HEATR6: variants seen among roughly 807,000 people sequenced by gnomAD.
The protein encoded by HEATR6 is HEAT repeat containing 6, also known as HEAT repeat-containing protein 6.
A neutral mutation model predicts 132.8 loss-of-function variants in HEATR6; 106 were observed. That is an observed-to-expected ratio of 0.80 (90% CI 0.68 to 0.94). The LOEUF is 0.94. HEATR6 is among the 40% of genes least tolerant of loss of function. The probability of loss-of-function intolerance (pLI) is 0.00; values close to 1 mark genes in which losing one functional copy is unlikely to be tolerated. For missense variants in HEATR6, 1,339 were observed against 1,425.1 expected (o/e 0.94, Z 0.97); for synonymous variants, 529 against 537.8 (o/e 0.98, Z 0.23).
chr17:60,073,114 A>G (rs1272499846), intron 4 of HEATR6, 50 bp downstream of exon 4: 10 of 1,083,686 alleles, frequency 9.2e-6, no homozygotes, highest in East Asian at 2.4e-5. Flanking sequence ...AAAGGGCCCA[A>G]TAGAGGCACT....
intron 9 of HEATR6, among the ~76,000 whole-genome samples, chr17:60,061,674 T>C (rs1198580538): frequency 3.3e-5 from 5 of 152,252 alleles, no homozygotes; most frequent in African/African-American, 1.2e-4. Context: ...CCATATAATT[T>C]TCACATATCA....
At chr17:60,065,794 T>A (rs1475754479) in intron 9 of HEATR6, among the ~76,000 whole-genome samples, 1 of 152,216 alleles carries the variant, frequency 6.6e-6, no homozygotes, top group Non-Finnish European at 1.5e-5. Context: ...ATTTTGGGCA[T>A]TTTTCTAAGC....
chr17:60,055,726 C>G (rs1317374867), intron 13 of HEATR6, 125 bp from the exon 14 acceptor site: 1 of 583,336 alleles, frequency 1.7e-6, no homozygotes, highest in Non-Finnish European at 3.0e-6. Flanking sequence ...CACCTTCACT[C>G]GAGTGACACC....
At chr17:60,048,652 A>C (rs1399452781) in intron 16 of HEATR6, among the ~76,000 whole-genome samples, 1 of 152,164 alleles carries the variant, frequency 6.6e-6, no homozygotes, top group Non-Finnish European at 1.5e-5. Context: ...CATCGAATAT[A>C]TAAGCTGGCC....
chr17:60,052,856 G>A (rs1440823655), intron 14 of HEATR6, among the ~76,000 whole-genome samples: 1 of 152,108 alleles, frequency 6.6e-6, no homozygotes, highest in South Asian at 2.1e-4. Context: ...GGTGAGGGGC[G>A]GCGGGGACAC....
At chr17:60,064,982 T>A (rs2083232560) in intron 9 of HEATR6, among the ~76,000 whole-genome samples, 1 of 152,180 alleles carries the variant, frequency 6.6e-6, no homozygotes, top group African/African-American at 2.4e-5. Flanking sequence ...CACAGCACCA[T>A]CTCGTTGGCC....
chr17:60,042,203 T>G lies in HEATR6; in HGVS notation c.*1360A>C, dbSNP rs1377016388. On this transcript the variant is annotated 3_prime_UTR_variant, in exon 20 of 20. Transcript: ENST00000184956. ...CAGGAAATGTAGGTAGAAGTCAATG[T>G]TGTAGCCTAGGTTAGAAGGCCCTGC... Among the ~76,000 whole-genome samples the G allele has an allele frequency of 6.6e-6, 1 of 152,240 alleles. No individual in the cohort carries two copies. The highest frequency in any genetic ancestry group is 1.5e-5 in the Non-Finnish European group (1 of 68,042).
chr17:60,061,445 C>T (rs1231986316), intron 9 of HEATR6, among the ~76,000 whole-genome samples: 1 of 152,112 alleles, frequency 6.6e-6, no homozygotes, highest in South Asian at 2.1e-4. Context: ...AACGAGAGAG[C>T]GAGAGCATGA....
intron 15 of HEATR6, among the ~76,000 whole-genome samples, chr17:60,050,632 C>A (rs891475162): frequency 2.0e-5 from 3 of 152,204 alleles, no homozygotes; most frequent in African/African-American, 7.2e-5. Context: ...CACCTACACT[C>A]TCATGCACAG....
At chr17:60,044,924 T>C (rs1399608066) in intron 19 of HEATR6, among the ~76,000 whole-genome samples, 4 of 152,238 alleles carry the variant, frequency 2.6e-5, no homozygotes, top group African/African-American at 9.6e-5. Flanking sequence ...GTCAGAGTCC[T>C]TTATCAGTTT....
intron 13 of HEATR6, 61 bp from the exon 14 acceptor site, chr17:60,055,662 T>TGAAGGTGTTACTCAAGTG: frequency 1.7e-6 from 2 of 1,179,646 alleles, no homozygotes; most frequent in Non-Finnish European, 2.5e-6. Context: ...TTCACTTGAG[T>TGAAGGTGTTACTCAAGTG]AACACCTTCA....
Position 60,056,120 on chromosome 17 carries a change from CT to C in HEATR6, c.2196del (p.Ala733GlnfsTer11), listed in dbSNP as rs1227973116. 1 of 1,613,428 alleles carries C rather than the reference CT, an allele frequency of 6.2e-7. No individual in the cohort carries two copies. Among genetic ancestry groups the C allele is most frequent in the Non-Finnish European group, 8.5e-7 (1 of 1,179,764 alleles). On this transcript the variant is annotated frameshift_variant, in exon 13 of 20. Coordinates refer to ENST00000184956, the MANE Select transcript of HEATR6 (RefSeq NM_022070.5). ...GEADPSIQLH[G>X]AKLLEELGTG... is the part of the protein sequence containing the mutation. Reference sequence around the variant, plus strand: ...GTGGTTTTGATGAAAATTACCTTTGCTCCATGAAGCTGAATGGATGGATCTG... The same window carrying C: ...GTGGTTTTGATGAAAATTACCTTTGCCCATGAAGCTGAATGGATGGATCTG...
In HEATR6 at chr17:60,047,314, C is replaced by T; in HGVS notation, c.2764G>A (p.Asp922Asn). The change falls in exon 18 of 20, where the codon GAC becomes AAC. Residue 922 changes from aspartate to asparagine, a missense_variant. Transcript: ENST00000184956. ...GGGTTTTGTTGTGAGTCTACCTTGT[C>T]TTTATCCTTGGATGCTTCTATAGCT... ...RSAIEASKDK[D>N]KVKSNAVRAL... 5.0e-6 allele frequency: 8 copies of T among 1,605,460 alleles called. No homozygotes were observed. Among genetic ancestry groups the T allele is most frequent in the Non-Finnish European group, 3.4e-6 (4 of 1,173,472 alleles).
chr17:60,049,464 G>T, intron 16 of HEATR6, 116 bp downstream of exon 16: 1 of 1,192,648 alleles, frequency 8.4e-7, no homozygotes, highest in Non-Finnish European at 1.2e-6. Flanking sequence ...ACAGATATCA[G>T]ATTACAAAGC....
intron 1 of HEATR6, among the ~76,000 whole-genome samples, chr17:60,077,425 T>C (rs73994291): frequency 1.2e-3 from 176 of 152,318 alleles, no homozygotes; most frequent in African/African-American, 4.0e-3. Flanking sequence ...AATGGAAGTT[T>C]TGTTGCAAAA....
intron 7 of HEATR6, among the ~76,000 whole-genome samples, chr17:60,069,364 A>C (rs1457437779): frequency 6.6e-6 from 1 of 152,256 alleles, no homozygotes; most frequent in East Asian, 1.9e-4. Context: ...TAGAGTTGGT[A>C]GTTATGACAG....
chr17:60,059,928 C>A lies in HEATR6; in HGVS notation c.1585G>T (p.Ala529Ser). Reference sequence around the variant, plus strand: ...GTAACGGTCTGTGAGGATGACTCCGCCACCAAAGCTAACAAAAGACATCTG... The same window carrying A: ...GTAACGGTCTGTGAGGATGACTCCGACACCAAAGCTAACAAAAGACATCTG... The part of the protein sequence containing the change: ...LHRCLLLALV[A>S]ESSSQTVTQI... The change falls in exon 10 of 20, where the codon GCG becomes TCG. Residue 529 changes from alanine to serine, a missense_variant. Ala to Ser is a moderately conservative substitution (Grantham distance 99, BLOSUM62 1). Transcript: ENST00000184956. 5 of 1,613,760 alleles carry A rather than the reference C, an allele frequency of 3.1e-6. No individual in the cohort carries two copies. The highest frequency in any genetic ancestry group is 4.2e-6 in the Non-Finnish European group (5 of 1,179,784).
At chr17:60,049,150 T>TGTGC (rs1555667043) in intron 16 of HEATR6, among the ~76,000 whole-genome samples, 3 of 149,874 alleles carry the variant, frequency 2.0e-5, no homozygotes, top group African/African-American at 7.4e-5. Context: ...TGTGTGTGTG[T>TGTGC]GTGTGTCTGG....
chr17:60,059,572 T>C lies in HEATR6; in HGVS notation c.1624-51A>G, dbSNP rs764536051. 4.0e-6 allele frequency: 5 copies of C among 1,237,270 alleles called. No homozygotes were observed. In the Admixed American group the frequency reaches 6.7e-5, roughly 17 times the overall value. 76.6% of individuals were successfully genotyped at this position (1,237,270 alleles called of 1,614,324 possible). On this transcript the variant is annotated intron_variant, in intron 10 of 19. Coordinates refer to ENST00000184956, the MANE Select transcript of HEATR6 (RefSeq NM_022070.5). ...CAAAAGGCTTGATTAAACCACAGCATAGAACAAATTTTGCAGCATTTAATT... is the reference window on the plus strand; with the variant it reads ...CAAAAGGCTTGATTAAACCACAGCACAGAACAAATTTTGCAGCATTTAATT...
Sources: allele counts gnomAD v4.1 joint callset (sites outside exome capture counted in the v4.1 genomes callset), GRCh38; gene constraint gnomAD v4.1.1; transcripts MANE v1.5; gene names NCBI Gene and HGNC (gene_info 2026-07-23, HGNC 2026-07-21).